ZCWPW2: variants seen among roughly 807,000 people sequenced by gnomAD.
ZCWPW2 encodes the protein zinc finger CW-type PWWP domain protein 2.
In ZCWPW2, 45 loss-of-function variants were observed where a neutral mutation model predicts 46.6. The observed-to-expected ratio is 0.96, with a 90% CI of 0.76 to 1.24. The LOEUF (loss-of-function observed/expected upper bound fraction) is 1.24, where lower values mean the gene tolerates loss of function less well. Among genes scored for constraint, ZCWPW2 ranks in the 50% most tolerant of loss-of-function variants. ZCWPW2 has a pLI of 0.00. For synonymous variants in ZCWPW2, 152 were observed against 137.1 expected (o/e 1.11, Z -0.76); for missense variants, 429 against 403.9 (o/e 1.06, Z -0.53).
chr3:28,444,342 A>C (rs1559507175), intron 4 of ZCWPW2, among the ~76,000 whole-genome samples: 1 of 152,098 alleles, frequency 6.6e-6, no homozygotes, highest in Non-Finnish European at 1.5e-5. Flanking sequence ...TCCTGAGGAG[A>C]ATCAACATTA....
At chr3:28,414,453 T>C (rs1005819049) in intron 3 of ZCWPW2, among the ~76,000 whole-genome samples, 2 of 152,108 alleles carry the variant, frequency 1.3e-5, no homozygotes, top group Admixed American at 6.6e-5. Flanking sequence ...ACCAGGTTTT[T>C]TTTTAATTTT....
intron 4 of ZCWPW2, among the ~76,000 whole-genome samples, chr3:28,472,479 A>T (rs759865648): frequency 1.3e-5 from 2 of 152,142 alleles, no homozygotes; most frequent in Non-Finnish European, 2.9e-5. Context: ...TAGGAAAAGG[A>T]CAGTCTACAA....
intron 1 of ZCWPW2, among the ~76,000 whole-genome samples, chr3:28,382,409 G>C (rs186712105): frequency 6.6e-6 from 1 of 152,150 alleles, no homozygotes; most frequent in East Asian, 1.9e-4. Flanking sequence ...AGACATATTG[G>C]ATTAAGGCTC....
chr3:28,517,624 C>T (rs534499595), intron 8 of ZCWPW2, among the ~76,000 whole-genome samples: 6 of 152,216 alleles, frequency 3.9e-5, no homozygotes, highest in African/African-American at 1.4e-4. Context: ...GATTACAATT[C>T]AACATGAGAT....
At chr3:28,359,113 T>G (rs1704844744) in intron 1 of ZCWPW2, among the ~76,000 whole-genome samples, 1 of 152,096 alleles carries the variant, frequency 6.6e-6, no homozygotes, top group African/African-American at 2.4e-5. Flanking sequence ...AGATTATCCT[T>G]TACTTGTATT....
intron 4 of ZCWPW2, among the ~76,000 whole-genome samples, chr3:28,449,474 T>C (rs1698140707): frequency 6.6e-6 from 1 of 152,110 alleles, no homozygotes; most frequent in African/African-American, 2.4e-5. Flanking sequence ...TTTAGAATAG[T>C]CAAAATTATG....
chr3:28,463,525 C>T (rs1271664415), intron 4 of ZCWPW2, among the ~76,000 whole-genome samples: 1 of 152,084 alleles, frequency 6.6e-6, no homozygotes, highest in Non-Finnish European at 1.5e-5. Flanking sequence ...TAGATATACT[C>T]AGATTTTAGT....
intron 4 of ZCWPW2, among the ~76,000 whole-genome samples, chr3:28,445,639 A>G (rs1325135103): frequency 6.6e-6 from 1 of 152,142 alleles, no homozygotes; most frequent in Non-Finnish European, 1.5e-5. Flanking sequence ...GAGGAACAAA[A>G]AGCTGTAAGA....
At chr3:28,440,788 T>C (rs1483490155) in intron 4 of ZCWPW2, among the ~76,000 whole-genome samples, 2 of 152,182 alleles carry the variant, frequency 1.3e-5, no homozygotes, top group African/African-American at 4.8e-5. Context: ...TGGATGATAG[T>C]CTTGGCAGAA....
chr3:28,509,491 T>C (rs1007388904), intron 6 of ZCWPW2, among the ~76,000 whole-genome samples: 2 of 152,148 alleles, frequency 1.3e-5, no homozygotes, highest in East Asian at 3.9e-4. Flanking sequence ...TGAACACTTG[T>C]CATTGTCTAT....
At chr3:28,443,753 A>G (rs1697864862) in intron 4 of ZCWPW2, among the ~76,000 whole-genome samples, 1 of 152,196 alleles carries the variant, frequency 6.6e-6, no homozygotes, top group African/African-American at 2.4e-5. Context: ...CCACTGTTAG[A>G]TCTGACATAC....
rs764733392 is a variant in ZCWPW2 at position 28,514,105 on chromosome 3, A to G, written c.699A>G (p.Lys233=). The G allele has an allele frequency of 2.3e-5, 35 of 1,494,730 alleles. No homozygotes were observed. The highest frequency in any genetic ancestry group is 2.7e-6 in the Non-Finnish European group (3 of 1,092,638). 92.6% of individuals were successfully genotyped at this position (1,494,730 alleles called of 1,614,324 possible). Residue 233 remains lysine (K), a synonymous_variant, in exon 7 of 10, where the codon AAA becomes AAG. Transcript: ENST00000383768. The stretch of plus-strand genomic sequence containing the variant: ...ATAATATTGAAAAGAAGAAGCCCAA[A>G]TTTAGAAAAAGGAAAAGGTATGCTT... ...SKNNIEKKKP[K]FRKRKRKAIL... is the part of the protein sequence containing the mutation.
chr3:28,478,316 T>A, intron 4 of ZCWPW2: 1 of 332,602 alleles, frequency 3.0e-6, no homozygotes, highest in Non-Finnish European at 6.2e-6. Context: ...CAATCTCGCA[T>A]CACTGCAGCA....
intron 1 of ZCWPW2, among the ~76,000 whole-genome samples, chr3:28,387,015 A>G (rs564910346): frequency 6.6e-6 from 1 of 152,138 alleles, no homozygotes; most frequent in Admixed American, 6.6e-5. Flanking sequence ...TCAGTAGACT[A>G]CCGAAGGTCC....
At chr3:28,491,980 C>T (rs1315024555) in intron 5 of ZCWPW2, 147 bp from the exon 6 acceptor site, 5 of 713,406 alleles carry the variant, frequency 7.0e-6, no homozygotes, top group Non-Finnish European at 1.2e-5. Context: ...GCTCAGTTTA[C>T]TAGCATATTA....
chr3:28,407,444 G>A (rs1037489293), intron 2 of ZCWPW2, among the ~76,000 whole-genome samples: 1 of 152,146 alleles, frequency 6.6e-6, no homozygotes, highest in Non-Finnish European at 1.5e-5. Context: ...GATGTTTAAA[G>A]TCATCCATTT....
intron 4 of ZCWPW2, among the ~76,000 whole-genome samples, chr3:28,459,379 AAAAAAAC>A (rs548165944): frequency 0.011 from 1,631 of 152,134 alleles, 28 homozygotes; most frequent in African/African-American, 0.037. Context: ...CCAAAGAAAA[AAAAAAAC>A]AAAAAACAAA....
At chr3:28,453,822 TATTTA>T (rs1335956366) in intron 4 of ZCWPW2, among the ~76,000 whole-genome samples, 8 of 148,208 alleles carry the variant, frequency 5.4e-5, no homozygotes, top group African/African-American at 1.7e-4. Flanking sequence ...TTTATTTATT[TATTTA>T]TTTATTTTTA....
intron 4 of ZCWPW2, among the ~76,000 whole-genome samples, chr3:28,476,618 G>A (rs914542793): frequency 6.6e-5 from 10 of 152,142 alleles, no homozygotes; most frequent in African/African-American, 2.4e-4. Context: ...TGGACTGGGG[G>A]AAGGAAAGGG....
Sources: gnomAD v4.1 joint callset for allele counts (sites outside exome capture counted in the v4.1 genomes callset) on GRCh38, gnomAD v4.1.1 for gene constraint, MANE v1.5 for transcripts, NCBI Gene and HGNC (gene_info 2026-07-23, HGNC 2026-07-21) for gene names.